NTM: variants seen among roughly 807,000 people sequenced by gnomAD.
The protein encoded by NTM is IgLON family member 2.
NTM carries 13 observed loss-of-function variants against 42.1 expected under a neutral mutation model. The observed-to-expected ratio is 0.31, with a 90% confidence interval of 0.20 to 0.49. The LOEUF (loss-of-function observed/expected upper bound fraction) is 0.49, where lower values mean the gene tolerates loss of function less well. Ranked by LOEUF, NTM falls within the 20% of genes least tolerant of loss-of-function variation. The pLI, the probability that NTM is intolerant of heterozygous loss-of-function variation, is 0.99. For missense variants in NTM, 373 were observed against 452.8 expected (o/e 0.82, Z 1.60); for synonymous variants, 187 against 179.2 (o/e 1.04, Z -0.35).
intron 1 of NTM, among the ~76,000 whole-genome samples, chr11:131,474,537 C>T (rs892537114): frequency 5.3e-5 from 8 of 152,100 alleles, no homozygotes; most frequent in Admixed American, 5.2e-4. Context: ...GCCTCAGGCT[C>T]TTTATATCCA....
At chr11:131,943,557 G>A (rs1369303737) in intron 2 of NTM, among the ~76,000 whole-genome samples, 1 of 152,200 alleles carries the variant, frequency 6.6e-6, no homozygotes, top group African/African-American at 2.4e-5. Context: ...GAGTGAAAGA[G>A]ACCAGTGGGG....
intron 8 of NTM, among the ~76,000 whole-genome samples, chr11:132,330,857 T>C (rs2095789837): frequency 6.6e-6 from 1 of 152,210 alleles, no homozygotes; most frequent in Non-Finnish European, 1.5e-5. Context: ...AATGGAGGCC[T>C]CATCTGCGTG....
intron 2 of NTM, among the ~76,000 whole-genome samples, chr11:132,015,528 G>A (rs1204184755): frequency 1.3e-5 from 2 of 151,726 alleles, no homozygotes; most frequent in Non-Finnish European, 2.9e-5. Flanking sequence ...TCATAGGCAT[G>A]GGATACTTTT....
intron 1 of NTM, among the ~76,000 whole-genome samples, chr11:131,673,418 C>T (rs2070769422): frequency 6.6e-6 from 1 of 152,146 alleles, no homozygotes; most frequent in Non-Finnish European, 1.5e-5. Flanking sequence ...TTTCTGCCAG[C>T]CCCCAGGCCT....
chr11:132,057,322 G>A (rs1018741924), intron 2 of NTM, among the ~76,000 whole-genome samples: 5 of 151,850 alleles, frequency 3.3e-5, no homozygotes, highest in Non-Finnish European at 5.9e-5. Flanking sequence ...AATCTAGTTC[G>A]TTTTCACTCT....
Position 132,013,097 on chromosome 11 carries a change from C to T in NTM, c.167+101449C>T, listed in dbSNP as rs1475429761. ...TTGAAGATAACCAATTTTCGAATCA[C>T]TGACATGTAGTAAAGGAAGATTTTC... On this transcript the variant is annotated intron_variant, in intron 2 of 8. Transcript: ENST00000683400. Among the ~76,000 whole-genome samples the T allele has an allele frequency of 2.0e-5, 3 of 151,728 alleles. No homozygotes were observed. The East Asian group carries it at 5.8e-4, about 29-fold the overall frequency.
chr11:131,376,899 A>C (rs1458241734), intron 1 of NTM, among the ~76,000 whole-genome samples: 1 of 152,122 alleles, frequency 6.6e-6, no homozygotes, highest in African/African-American at 2.4e-5. Flanking sequence ...AGTGTCTACT[A>C]CGTTCGGTGC....
intron 1 of NTM, among the ~76,000 whole-genome samples, chr11:131,640,351 A>C (rs1397979652): frequency 6.6e-6 from 1 of 152,220 alleles, no homozygotes; most frequent in Non-Finnish European, 1.5e-5. Context: ...ATCCTGAAAA[A>C]GATTATTCAC....
intron 1 of NTM, among the ~76,000 whole-genome samples, chr11:131,457,448 G>GAT: frequency 6.6e-6 from 1 of 152,154 alleles, no homozygotes; most frequent in Non-Finnish European, 1.5e-5. Context: ...GGCAGAGAGA[G>GAT]ACTTTGGCCA....
At chr11:132,110,942 C>T (rs139759105) in intron 2 of NTM, among the ~76,000 whole-genome samples, 24 of 150,564 alleles carry the variant, frequency 1.6e-4, no homozygotes, top group African/African-American at 5.3e-4. Context: ...GATGTGTGCA[C>T]CTGCAGTCCC....
At chr11:131,700,722 A>C (rs901707796) in intron 1 of NTM, among the ~76,000 whole-genome samples, 1 of 152,214 alleles carries the variant, frequency 6.6e-6, no homozygotes, top group African/African-American at 2.4e-5. Context: ...TATTCCCCTG[A>C]AACCTGCAAC....
chr11:132,310,185 C>T lies in NTM; in HGVS notation c.735C>T (p.Ala245=). The change falls in exon 6 of 9, where the codon GCC becomes GCT. Residue 245 remains alanine (A), a synonymous_variant. Transcript: ENST00000683400. ...AAAAGGGGACACTGCAGTGTGAAGC[C>T]TCAGCAGTCCCCTCAGCAGAATTCC... ...VGQKGTLQCE[A]SAVPSAEFQW... The T allele has an allele frequency of 1.2e-6, 2 of 1,610,956 alleles. No individual in the cohort carries two copies. The highest frequency in any genetic ancestry group is 1.7e-5 in the Admixed American group (1 of 59,558).
At chr11:132,307,966 G>A in intron 5 of NTM, 143 bp downstream of exon 5, 1 of 716,860 alleles carries the variant, frequency 1.4e-6, no homozygotes, top group Non-Finnish European at 2.2e-6. Flanking sequence ...CTGCTTTCAG[G>A]AGCAAACATT....
At chr11:131,922,719 G>A (rs1349902527) in intron 2 of NTM, among the ~76,000 whole-genome samples, 1 of 152,034 alleles carries the variant, frequency 6.6e-6, no homozygotes, top group Admixed American at 6.5e-5. Flanking sequence ...CTGTTCCCCT[G>A]GAGTTTATTA....
chr11:131,703,697 G>T (rs2076295204), intron 1 of NTM, among the ~76,000 whole-genome samples: 1 of 152,170 alleles, frequency 6.6e-6, no homozygotes, highest in East Asian at 1.9e-4. Context: ...AAGAAAAGCT[G>T]CATTGAAGAG....
chr11:132,044,631 C>G (rs186242469), intron 2 of NTM, among the ~76,000 whole-genome samples: 1 of 152,028 alleles, frequency 6.6e-6, no homozygotes, highest in Admixed American at 6.6e-5. Flanking sequence ...GTGATAGGAA[C>G]GAGCCTCCAC....
At chr11:131,483,997 A>G (rs1479727898) in intron 1 of NTM, among the ~76,000 whole-genome samples, 1 of 152,248 alleles carries the variant, frequency 6.6e-6, no homozygotes, top group Non-Finnish European at 1.5e-5. Flanking sequence ...GCTGAACACA[A>G]ACATCTCAAT....
At chr11:131,391,575 CT>C (rs71067306) in intron 1 of NTM, among the ~76,000 whole-genome samples, 4,033 of 108,446 alleles carry the variant, frequency 0.037, 93 homozygotes, top group Middle Eastern at 0.069. Flanking sequence ...GTTGACAAGT[CT>C]TTTTTTTTTT....
At chr11:131,802,664 A>T (rs907389103) in intron 1 of NTM, among the ~76,000 whole-genome samples, 2 of 152,166 alleles carry the variant, frequency 1.3e-5, no homozygotes, top group African/African-American at 2.4e-5. Flanking sequence ...AATGGTCGGT[A>T]TGTGTGGGGA....
Sources: allele counts gnomAD v4.1 joint callset (sites outside exome capture counted in the v4.1 genomes callset), GRCh38; gene constraint gnomAD v4.1.1; transcripts MANE v1.5; gene names NCBI Gene and HGNC (gene_info 2026-07-23, HGNC 2026-07-21).